ARHGAP23: variants seen among roughly 807,000 people sequenced by gnomAD.
The protein encoded by ARHGAP23 is rho GTPase-activating protein 23.
In ARHGAP23, 34 loss-of-function variants were observed where a neutral mutation model predicts 136.3. That is an observed-to-expected ratio of 0.25 (90% confidence interval 0.19 to 0.33). The LOEUF is 0.33. ARHGAP23 is among the 10% of genes least tolerant of loss of function. ARHGAP23 has a pLI of 1.00. For missense variants in ARHGAP23, 1,808 were observed against 2,139.0 expected (o/e 0.85, Z 3.05); for synonymous variants, 832 against 920.5 (o/e 0.90, Z 1.74).
chr17:38,499,943 G>A (rs11079025), intron 22 of ARHGAP23, among the ~76,000 whole-genome samples: 109,905 of 151,648 alleles, frequency 0.72, 39,990 homozygotes, highest in East Asian at 0.86. Context: ...TCATGCTTTT[G>A]GTCTCCTTCA....
At chr17:38,490,361 C>G in intron 18 of ARHGAP23, 101 bp from the exon 19 acceptor site, 1 of 1,160,250 alleles carries the variant, frequency 8.6e-7, no homozygotes, top group Non-Finnish European at 1.3e-6. Context: ...TTCCAGACTC[C>G]CTGAGGCATG....
chr17:38,480,658 C>T (rs1249917083), intron 14 of ARHGAP23, among the ~76,000 whole-genome samples: 4 of 148,872 alleles, frequency 2.7e-5, no homozygotes, highest in African/African-American at 9.9e-5. Flanking sequence ...AATAAAAGTA[C>T]CCGGGCGTGG....
intron 2 of ARHGAP23, among the ~76,000 whole-genome samples, chr17:38,459,976 C>G (rs1371691062): frequency 6.6e-6 from 1 of 152,210 alleles, no homozygotes; most frequent in Non-Finnish European, 1.5e-5. Flanking sequence ...GGCTCTGCCA[C>G]TGAGTCTCTG....
At chr17:38,500,844 C>G (rs1012743700) in intron 23 of ARHGAP23, 6 of 594,384 alleles carry the variant, frequency 1.0e-5, no homozygotes, top group African/African-American at 1.9e-5. Flanking sequence ...AAGGACCTGG[C>G]CTGGGAGTTA....
At position 38,467,038 on chromosome 17, in the gene ARHGAP23, C is replaced by G. The variant is rs1234304273; in HGVS notation, c.1355C>G (p.Ala452Gly). The G allele has an allele frequency of 7.1e-6, 11 of 1,550,852 alleles. No individual in the cohort carries two copies. The Admixed American group carries it at 2.2e-4, about 30-fold the overall frequency. ...GGGGGGCTGCCTACCTTCAACCTGG[C>G]CCAGTCCCCTGCGTCATTCCCACCA... ...PFGGLPTFNL[A>G]QSPASFPPEA... The change falls in exon 7 of 24, where the codon GCC becomes GGC. Residue 452 changes from alanine (A) to glycine (G), a missense_variant. Around this residue, in one of 7 missense-constraint regions of ARHGAP23, gnomAD observed 859 missense variants for 936.4 expected, o/e 0.92. Coordinates refer to ENST00000622683, the MANE Select transcript of ARHGAP23 (RefSeq NM_001199417.2).
chr17:38,473,097 C>T (rs1289004595), intron 11 of ARHGAP23, among the ~76,000 whole-genome samples: 1 of 148,520 alleles, frequency 6.7e-6, no homozygotes, highest in Admixed American at 6.8e-5. Context: ...CCACCAAACC[C>T]GGCTAATTTT....
chr17:38,427,217 C>T (rs1439373953), upstream of ARHGAP23, among the ~76,000 whole-genome samples: 1 of 152,176 alleles, frequency 6.6e-6, no homozygotes, highest in African/African-American at 2.4e-5. Context: ...AATCCCAGCA[C>T]TTTGGGAGGC....
chr17:38,458,528 G>A (rs776770533), intron 2 of ARHGAP23, among the ~76,000 whole-genome samples: 10 of 152,302 alleles, frequency 6.6e-5, no homozygotes, highest in Admixed American at 2.6e-4. Flanking sequence ...AGGGAGGGGT[G>A]GCTGGTGCAG....
intron 12 of ARHGAP23, 80 bp from the exon 13 acceptor site, chr17:38,479,356 G>A: frequency 7.7e-7 from 1 of 1,292,270 alleles, no homozygotes; most frequent in Middle Eastern, 2.6e-4. Context: ...GGACAAGAGG[G>A]GAAGCAGGGC....
intron 1 of ARHGAP23, among the ~76,000 whole-genome samples, chr17:38,420,931 T>A (rs9889811): frequency 0.32 from 48,206 of 151,690 alleles, 8,293 homozygotes; most frequent in Middle Eastern, 0.47. Context: ...GATTTTTTTT[T>A]AAAAGAGGGG....
chr17:38,478,977 G>A lies in ARHGAP23; in HGVS notation c.2437-459G>A, dbSNP rs538386509. 2.6e-5 allele frequency among the ~76,000 whole-genome samples: 4 copies of A among 152,250 alleles called. No homozygotes were observed. The East Asian group carries it at 5.8e-4, about 22-fold the overall frequency. ...CTTACTGACCAGGCTCTGCTCTCCC[G>A]GGAACAGCTTTCCCCACTGCAGGGA... is the stretch of plus-strand genomic sequence containing the variant. On this transcript the variant is annotated intron_variant, in intron 12 of 23. Transcript: ENST00000622683.
intron 11 of ARHGAP23, among the ~76,000 whole-genome samples, chr17:38,475,563 G>A (rs2039873856): frequency 6.6e-6 from 1 of 152,224 alleles, no homozygotes; most frequent in South Asian, 2.1e-4. Context: ...CAGCCACGGG[G>A]TCTCTTTGTC....
chr17:38,429,356 C>T (rs1477020362), intron 1 of ARHGAP23, among the ~76,000 whole-genome samples: 2 of 152,242 alleles, frequency 1.3e-5, no homozygotes, highest in Non-Finnish European at 2.9e-5. Context: ...CCTGGCTGCC[C>T]GCCCTGCAGG....
intron 1 of ARHGAP23, among the ~76,000 whole-genome samples, chr17:38,446,444 A>T (rs2039036367): frequency 6.6e-6 from 1 of 152,106 alleles, no homozygotes; most frequent in Non-Finnish European, 1.5e-5. Flanking sequence ...TTATTTGTCC[A>T]TTCATCCGTA....
chr17:38,492,994 A>C (rs1010079706), intron 20 of ARHGAP23, among the ~76,000 whole-genome samples: 2 of 152,178 alleles, frequency 1.3e-5, no homozygotes, highest in African/African-American at 4.8e-5. Flanking sequence ...TGCAGCCTTC[A>C]GGGAGGAAGG....
chr17:38,451,053 A>AAACCCAT, intron 1 of ARHGAP23: 1 of 152,306 alleles, frequency 6.6e-6, no homozygotes, highest in Non-Finnish European at 1.5e-5. Context: ...AATCTCAGCT[A>AAACCCAT]CGCCTGGTAT....
chr17:38,498,614 C>A (rs536338590), intron 22 of ARHGAP23, 104 bp downstream of exon 22: 8 of 988,430 alleles, frequency 8.1e-6, no homozygotes, highest in Non-Finnish European at 1.2e-5. Flanking sequence ...GCCACCCCAG[C>A]GGGGCCCTCC....
intron 20 of ARHGAP23, among the ~76,000 whole-genome samples, chr17:38,493,225 T>C (rs1429871373): frequency 6.8e-6 from 1 of 147,154 alleles, no homozygotes; most frequent in African/African-American, 2.5e-5. Context: ...TTTTTTTTGA[T>C]AGAGTCTCAG....
intron 1 of ARHGAP23, among the ~76,000 whole-genome samples, chr17:38,455,736 G>C (rs2039309195): frequency 6.6e-6 from 1 of 152,194 alleles, no homozygotes; most frequent in African/African-American, 2.4e-5. Flanking sequence ...TGGTAGGAGA[G>C]GGCAGTTGGT....
Sources: gnomAD v4.1 joint callset for allele counts (sites outside exome capture counted in the v4.1 genomes callset) on GRCh38, gnomAD v4.1.1 for gene constraint, gnomAD v4.1.1 regional missense constraint, MANE v1.5 for transcripts, NCBI Gene and HGNC (gene_info 2026-07-23, HGNC 2026-07-21) for gene names.